GSE1: variants seen among roughly 807,000 people sequenced by gnomAD.
GSE1 encodes Gse1 coiled-coil protein, also known as genetic suppressor element 1.
Under a neutral mutation model 112.6 loss-of-function variants are expected in GSE1, and 32 were observed. The ratio of observed to expected loss-of-function variants is 0.28; its 90% CI spans 0.21 to 0.38. GSE1 has a LOEUF of 0.38. Ranked by LOEUF, GSE1 falls within the 10% of genes least tolerant of loss-of-function variation. The pLI is 1.00. For synonymous variants in GSE1, 1,115 were observed against 735.6 expected (o/e 1.52, Z -8.35); for missense variants, 2,348 against 1,699.2 (o/e 1.38, Z -6.71).
intron 1 of GSE1, among the ~76,000 whole-genome samples, chr16:85,278,205 T>C (rs562018978): frequency 4.8e-4 from 73 of 152,302 alleles, no homozygotes; most frequent in African/African-American, 1.7e-3. Context: ...TCCTGCAGCG[T>C]CAGGGGGCGG....
chr16:85,393,779 C>T (rs2047902368), intron 2 of GSE1, among the ~76,000 whole-genome samples: 1 of 152,234 alleles, frequency 6.6e-6, no homozygotes, highest in Non-Finnish European at 1.5e-5. Flanking sequence ...CAGACCCCCT[C>T]TATCTATTCC....
At chr16:85,573,320 G>A (rs926739408) in intron 1 of GSE1, among the ~76,000 whole-genome samples, 8 of 152,168 alleles carry the variant, frequency 5.3e-5, no homozygotes, top group Admixed American at 1.3e-4. Flanking sequence ...TAGCCAAGTC[G>A]TCTGTCCTGG....
At chr16:85,614,255 G>A (rs980220702) in intron 1 of GSE1, among the ~76,000 whole-genome samples, 2 of 152,200 alleles carry the variant, frequency 1.3e-5, no homozygotes, top group African/African-American at 4.8e-5. Flanking sequence ...CGCGCTGATG[G>A]GCGGCGAGTG....
intron 1 of GSE1, among the ~76,000 whole-genome samples, chr16:85,173,044 C>T (rs1364309010): frequency 2.0e-5 from 3 of 152,162 alleles, no homozygotes; most frequent in African/African-American, 4.8e-5. Context: ...TGGATGAGCA[C>T]GTCGTCTCCC....
chr16:85,490,437 C>G (rs1402517753), intron 2 of GSE1: 1 of 152,254 alleles, frequency 6.6e-6, no homozygotes, highest in Admixed American at 6.5e-5. Flanking sequence ...TTCCTGCACC[C>G]CCTTCAGAGG....
At chr16:85,340,707 GT>G (rs1395510659) in intron 1 of GSE1, among the ~76,000 whole-genome samples, 3 of 152,326 alleles carry the variant, frequency 2.0e-5, no homozygotes, top group Non-Finnish European at 2.9e-5. Flanking sequence ...ACCATTGTGT[GT>G]GGTGCGTTCC....
intron 2 of GSE1, among the ~76,000 whole-genome samples, chr16:85,533,789 C>T (rs769918021): frequency 1.5e-4 from 23 of 151,810 alleles, no homozygotes; most frequent in East Asian, 5.8e-4. Flanking sequence ...CGCTTGAGCC[C>T]GGGAGGTGGA....
At chr16:85,638,060 CGCCT>C (rs1190622660) in intron 2 of GSE1, among the ~76,000 whole-genome samples, 1 of 152,172 alleles carries the variant, frequency 6.6e-6, no homozygotes, top group Non-Finnish European at 1.5e-5. Flanking sequence ...GGGCCCCAGC[CGCCT>C]GCGGCAAGCC....
chr16:85,503,251 T>C (rs1356016206), intron 2 of GSE1, among the ~76,000 whole-genome samples: 1 of 152,140 alleles, frequency 6.6e-6, no homozygotes, highest in Non-Finnish European at 1.5e-5. Context: ...CATCCAGGGG[T>C]CACCACACGG....
intron 2 of GSE1, among the ~76,000 whole-genome samples, chr16:85,383,274 A>C (rs1478503497): frequency 6.6e-6 from 1 of 151,678 alleles, no homozygotes; most frequent in Non-Finnish European, 1.5e-5. Context: ...GCATACACAC[A>C]GTTCCCAGCA....
chr16:85,554,764 G>T (rs943152704), upstream of GSE1: 2 of 550,172 alleles, frequency 3.6e-6, no homozygotes, highest in African/African-American at 4.2e-5. Flanking sequence ...GGCTCCCGCA[G>T]CTGTCAGTCG....
At position 85,534,413 on chromosome 16, in the gene GSE1, C is replaced by T. The variant is rs145705946; in HGVS notation, c.2465-99501C>T. On this transcript the variant is annotated intron_variant, in intron 2 of 2. Transcript: ENST00000637419. Reference sequence around the variant, plus strand: ...CTGGGATTACAGGACTGAGCCACCACGCCCGGCCAATTTCTTTTTTTAAAA... The same window carrying T: ...CTGGGATTACAGGACTGAGCCACCATGCCCGGCCAATTTCTTTTTTTAAAA... 6.6e-5 allele frequency among the ~76,000 whole-genome samples: 10 copies of T among 152,296 alleles called. No homozygotes were observed. The East Asian group carries it at 1.7e-3, about 26-fold the overall frequency.
chr16:85,265,157 G>T (rs1273786613), intron 1 of GSE1, among the ~76,000 whole-genome samples: 1 of 152,182 alleles, frequency 6.6e-6, no homozygotes, highest in Non-Finnish European at 1.5e-5. Context: ...ATATAATTTT[G>T]TTATTCTTAA....
chr16:85,437,129 C>T (rs2049266554), intron 2 of GSE1, among the ~76,000 whole-genome samples: 1 of 152,122 alleles, frequency 6.6e-6, no homozygotes, highest in African/African-American at 2.4e-5. Flanking sequence ...GGAGGTGGGG[C>T]GACGAGGCGG....
chr16:85,385,798 A>T (rs1232993912), intron 2 of GSE1, among the ~76,000 whole-genome samples: 1 of 152,168 alleles, frequency 6.6e-6, no homozygotes, highest in African/African-American at 2.4e-5. Context: ...ACAGAGCTGG[A>T]CAGGGGGAGG....
At chr16:85,185,481 A>G (rs1351397894) in intron 1 of GSE1, 5 of 152,322 alleles carry the variant, frequency 3.3e-5, no homozygotes, top group African/African-American at 1.2e-4. Flanking sequence ...TGCAGAGCGC[A>G]GCATCTGGCC....
intron 1 of GSE1, among the ~76,000 whole-genome samples, chr16:85,632,593 C>G (rs1385721554): frequency 6.6e-6 from 1 of 152,220 alleles, no homozygotes; most frequent in Non-Finnish European, 1.5e-5. Flanking sequence ...TCCAATTAGA[C>G]TTGTCAATGT....
intron 1 of GSE1, among the ~76,000 whole-genome samples, chr16:85,319,265 AC>A (rs1275142924): frequency 6.6e-6 from 1 of 152,198 alleles, no homozygotes; most frequent in Non-Finnish European, 1.5e-5. Context: ...TAGGCGTGTG[AC>A]CCAGAACTTG....
intron 1 of GSE1, among the ~76,000 whole-genome samples, chr16:85,191,920 G>A (rs1597761818): frequency 1.3e-5 from 2 of 152,206 alleles, no homozygotes; most frequent in Non-Finnish European, 2.9e-5. Flanking sequence ...TCTCCAGGGT[G>A]GGCAGGCATG....
Sources: allele counts gnomAD v4.1 joint callset (sites outside exome capture counted in the v4.1 genomes callset), GRCh38; gene constraint gnomAD v4.1.1; transcripts MANE v1.5; gene names NCBI Gene and HGNC (gene_info 2026-07-23, HGNC 2026-07-21).